PUDP: variants seen among roughly 807,000 people sequenced by gnomAD.
PUDP encodes the protein pseudouridine-5'-phosphatase.
A neutral mutation model predicts 9.4 loss-of-function variants in PUDP; 8 were observed. The ratio of observed to expected loss-of-function variants is 0.85; its 90% CI spans 0.50 to 1.53. PUDP has a LOEUF of 1.53. Among genes scored for constraint, PUDP ranks in the 40% most tolerant of loss-of-function variants. PUDP has a pLI of 0.00. For synonymous variants in PUDP, 99 were observed against 80.7 expected (o/e 1.23, Z -1.22); for missense variants, 188 against 189.7 (o/e 0.99, Z 0.05).
chrX:6,823,184 A>G (rs1926373784), intron 3 of PUDP, among the ~76,000 whole-genome samples: 1 of 111,568 alleles, frequency 9.0e-6, no homozygotes, highest in Admixed American at 9.5e-5. Flanking sequence ...CTTAAAATAA[A>G]TAAATAAATA....
chrX:6,887,416 G>C (rs1927446108), intron 3 of PUDP, among the ~76,000 whole-genome samples: 1 of 109,988 alleles, frequency 9.1e-6, no homozygotes. Flanking sequence ...GATGTAGAAA[G>C]AGAGCCGTAT....
intron 1 of PUDP, among the ~76,000 whole-genome samples, chrX:7,107,792 C>T (rs777947508): frequency 8.9e-6 from 1 of 112,648 alleles, no homozygotes; most frequent in African/African-American, 3.2e-5. Flanking sequence ...CGTGCCACTG[C>T]ACTCCAGCCT....
chrX:7,118,866 T>A (rs769271240), intron 1 of PUDP, among the ~76,000 whole-genome samples: 5 of 112,300 alleles, frequency 4.5e-5, no homozygotes, highest in African/African-American at 9.7e-5. Flanking sequence ...GGGTACCTAC[T>A]TTGTGCTAGG....
chrX:6,806,289 G>C (rs1045091123), intron 3 of PUDP, among the ~76,000 whole-genome samples: 1 of 111,114 alleles, frequency 9.0e-6, no homozygotes, highest in Non-Finnish European at 1.9e-5. Flanking sequence ...AAACTGGGGG[G>C]CCTTTTGAGA....
intron 3 of PUDP, among the ~76,000 whole-genome samples, chrX:6,947,816 A>G: frequency 9.6e-6 from 1 of 104,261 alleles, no homozygotes; most frequent in Admixed American, 1.0e-4. Context: ...ATAAATAAAT[A>G]AAAATAAAGC....
chrX:6,924,508 T>C (rs1713063207), intron 3 of PUDP, among the ~76,000 whole-genome samples: 3 of 112,319 alleles, frequency 2.7e-5, no homozygotes, highest in African/African-American at 9.7e-5. Context: ...CATAATGAGA[T>C]ATCTTGGGGA....
intron 1 of PUDP, among the ~76,000 whole-genome samples, chrX:7,108,346 T>C (rs996187071): frequency 1.8e-5 from 2 of 111,973 alleles, no homozygotes; most frequent in Admixed American, 1.9e-4. Flanking sequence ...CTCTGGCTCT[T>C]CCTCCTGGGA....
At chrX:7,077,503 C>A in intron 2 of PUDP, 54 bp from the exon 3 acceptor site, 1 of 960,369 alleles carries the variant, frequency 1.0e-6, no homozygotes, top group Non-Finnish European at 1.5e-6. Flanking sequence ...CACCATAAGA[C>A]CTTCTTGCAG....
intron 2 of PUDP, among the ~76,000 whole-genome samples, chrX:6,977,436 T>C (rs1928972565): frequency 8.9e-6 from 1 of 112,386 alleles, no homozygotes; most frequent in Non-Finnish European, 1.9e-5. Context: ...AGACCATTTC[T>C]GTGTTGACAT....
intron 1 of PUDP, among the ~76,000 whole-genome samples, chrX:7,114,064 CTT>C (rs869134031): frequency 5.3e-5 from 3 of 56,777 alleles, no homozygotes; most frequent in African/African-American, 7.6e-5. Context: ...CTCTCTCTCT[CTT>C]TTTCTTTTTT....
intron 3 of PUDP, among the ~76,000 whole-genome samples, chrX:6,882,593 C>A (rs1345756965): frequency 9.0e-6 from 1 of 111,579 alleles, no homozygotes; most frequent in Non-Finnish European, 1.9e-5. Flanking sequence ...AGAAATTAAG[C>A]CTTGCAGGGT....
At chrX:7,095,304 A>G (rs1931542193) in intron 2 of PUDP, among the ~76,000 whole-genome samples, 1 of 112,269 alleles carries the variant, frequency 8.9e-6, no homozygotes. Flanking sequence ...TCCCTGTGCT[A>G]AGAGCGACTG....
chrX:6,711,742 C>T (rs1924534510), intron 1 of PUDP, among the ~76,000 whole-genome samples: 1 of 111,550 alleles, frequency 9.0e-6, no homozygotes, highest in African/African-American at 3.3e-5. Context: ...GCTTTGTCTC[C>T]TTAGTAAATT....
At chrX:6,723,890 T>C (rs763764191), upstream of PUDP, among the ~76,000 whole-genome samples, 15 of 111,751 alleles carry the variant, frequency 1.3e-4, no homozygotes, top group African/African-American at 4.9e-4. Flanking sequence ...AAAATGTTAG[T>C]ATTTGTTAAA....
At chrX:7,043,762 G>A (rs1345271507) in intron 1 of PUDP, among the ~76,000 whole-genome samples, 1 of 111,301 alleles carries the variant, frequency 9.0e-6, no homozygotes, top group Non-Finnish European at 1.9e-5. Context: ...GTTATATGGA[G>A]AATTAGCAGT....
intron 1 of PUDP, among the ~76,000 whole-genome samples, chrX:7,030,384 G>A (rs1311262503): frequency 2.7e-5 from 3 of 111,572 alleles, no homozygotes; most frequent in African/African-American, 6.5e-5. Context: ...AGGCTTCCGC[G>A]ATGGAATGAG....
intron 3 of PUDP, among the ~76,000 whole-genome samples, chrX:6,880,202 A>G (rs1927326385): frequency 9.1e-6 from 1 of 109,889 alleles, no homozygotes; most frequent in Non-Finnish European, 1.9e-5. Context: ...TGCACCCATC[A>G]CCCGAGCAGT....
chrX:7,108,807 G>T (rs190815900), intron 1 of PUDP, among the ~76,000 whole-genome samples: 2 of 111,808 alleles, frequency 1.8e-5, no homozygotes, highest in African/African-American at 6.5e-5. Flanking sequence ...CTCCAGCCTC[G>T]GTCTCCCAGT....
Position 7,024,591 on chromosome X carries a change from C to CT in PUDP, c.205-46249dup, listed in dbSNP as rs34428928. Among the ~76,000 whole-genome samples, 214 of 91,427 alleles carry CT rather than the reference C, an allele frequency of 2.3e-3. 1 individual carries two copies. The highest frequency in any genetic ancestry group is 5.9e-3 in the African/African-American group (136 of 23,198). 79.4% of individuals were successfully genotyped at this position (91,427 alleles called of 115,157 possible). The stretch of plus-strand genomic sequence containing the variant: ...TCTGTGACATAACCTAGCCTTCTCT[C>CT]TTTTTTTTTTTTTGAGACAGAGTCT... On this transcript the variant is annotated intron_variant and NMD_transcript_variant, in intron 1 of 3. Transcript: ENST00000655425.
Sources: allele counts gnomAD v4.1 joint callset (sites outside exome capture counted in the v4.1 genomes callset), GRCh38; gene constraint gnomAD v4.1.1; transcripts MANE v1.5; gene names NCBI Gene and HGNC (gene_info 2026-07-23, HGNC 2026-07-21).